Variants in ZNF3 observed in about 807,000 individuals in gnomAD.
ZNF3 encodes the protein zinc finger protein 3.
ZNF3 carries 16 observed loss-of-function variants against 36.9 expected under a neutral mutation model. The observed-to-expected ratio is 0.43, with a 90% CI of 0.29 to 0.66. The LOEUF is 0.66. Ranked by LOEUF, ZNF3 falls within the 30% of genes least tolerant of loss-of-function variation. The probability of loss-of-function intolerance (pLI) is 0.13; values close to 1 mark genes in which losing one functional copy is unlikely to be tolerated. For missense variants in ZNF3, 462 were observed against 543.1 expected (o/e 0.85, Z 1.48); for synonymous variants, 201 against 201.9 (o/e 1.00, Z 0.04).
At chr7:100,072,290 AC>A in intron 5 of ZNF3, 78 bp from the exon 6 acceptor site, 1 of 1,312,088 alleles carries the variant, frequency 7.6e-7, no homozygotes, top group Non-Finnish European at 1.0e-6. Context: ...GATCATTGTA[AC>A]GAATACTTAC....
intron 1 of ZNF3, among the ~76,000 whole-genome samples, chr7:100,079,992 C>T (rs769275345): frequency 1.4e-4 from 22 of 151,782 alleles, no homozygotes; most frequent in Non-Finnish European, 2.6e-4. Flanking sequence ...CATGAGCCAC[C>T]GAGTCCAGCC....
intron 3 of ZNF3, among the ~76,000 whole-genome samples, chr7:100,076,564 T>C (rs1179832001): frequency 6.6e-6 from 1 of 152,168 alleles, no homozygotes; most frequent in Non-Finnish European, 1.5e-5. Context: ...AGTGCTGGGA[T>C]TACAGAAGTG....
chr7:100,076,506 A>G (rs1794135170), intron 3 of ZNF3, among the ~76,000 whole-genome samples: 1 of 151,560 alleles, frequency 6.6e-6, no homozygotes, highest in Non-Finnish European at 1.5e-5. Flanking sequence ...GTTGGCCAAG[A>G]TGGTCTCAAT....
At chr7:100,077,549 C>T (rs536937295) in intron 2 of ZNF3, 116 bp from the exon 3 acceptor site, 2 of 918,092 alleles carry the variant, frequency 2.2e-6, no homozygotes, top group Admixed American at 6.3e-5. Flanking sequence ...AATGTGGCAA[C>T]TGGGACTAGT....
chr7:100,072,340 CAT>C lies in ZNF3; in HGVS notation c.272-130_272-129del, dbSNP rs1312373475. The C allele has an allele frequency of 1.4e-5, 12 of 866,554 alleles. No individual in the cohort carries two copies. The South Asian group carries it at 1.6e-4, about 12-fold the overall frequency. The allele number at this position is 866,554 out of a possible 1,614,324, so 53.7% of individuals were successfully genotyped here. A position where few individuals can be genotyped will look rare whatever the true frequency, so the allele number is the denominator to read the frequency against. ...CATGCCTACAAAGAGGCCTGCCCCA[CAT>C]GTGTGCGGCTAAGGCAAAATGAGAC... On this transcript the variant is annotated intron_variant, in intron 5 of 5. Transcript: ENST00000299667.
At position 100,073,885 on chromosome 7, in the gene ZNF3, G is replaced by A. The variant is rs1793628509; in HGVS notation, c.271+1250C>T. ...AAAGTATCAGATTTGGCCAGGCGCG[G>A]TGGCTCATGCCTGTAATCTCAGCAC... On this transcript the variant is annotated intron_variant, in intron 5 of 5. Transcript: ENST00000299667. Among the ~76,000 whole-genome samples the A allele has an allele frequency of 2.0e-5, 3 of 152,042 alleles. No homozygotes were observed. In the South Asian group the frequency reaches 6.2e-4, roughly 32 times the overall value.
At chr7:100,064,888 G>A (rs202042885) in exon 6 of ZNF3, 57 of 1,613,790 alleles carry the variant, frequency 3.5e-5, no homozygotes, top group African/African-American at 2.8e-4. Flanking sequence ...TACCTTTTGC[G>A]TAGTTAAACA....
chr7:100,069,143 T>A (rs1365347701), downstream of ZNF3, among the ~76,000 whole-genome samples: 4 of 152,010 alleles, frequency 2.6e-5, no homozygotes, highest in Non-Finnish European at 4.4e-5. Flanking sequence ...TTTTTTTTTT[T>A]AATTTTGTTG....
intron 4 of ZNF3, 62 bp downstream of exon 4, chr7:100,075,480 C>T: frequency 6.3e-7 from 1 of 1,595,058 alleles, no homozygotes; most frequent in Non-Finnish European, 8.6e-7. Context: ...GTTTAAAGCT[C>T]TGAATGGGAT....
At position 100,071,131 on chromosome 7, in the gene ZNF3, T is replaced by C. The variant is rs372593713; in HGVS notation, c.*12A>G. ...ACTCAGGGAAAGTGAGGAAAATGGG[T>C]GTGTGGCTCTTTCACGTGGACTCTC... On this transcript the variant is annotated 3_prime_UTR_variant, in exon 6 of 6. Transcript: ENST00000299667. 4.5e-6 allele frequency: 7 copies of C among 1,560,836 alleles called. No individual in the cohort carries two copies. The highest frequency in any genetic ancestry group is 4.5e-5 in the East Asian group (2 of 44,472).
rs1265924329 is a variant in ZNF3 at position 100,073,349 on chromosome 7, T to TTTTTTG, written c.272-1143_272-1138dup. Among the ~76,000 whole-genome samples, 16 of 152,168 alleles carry TTTTTTG rather than the reference T, an allele frequency of 1.1e-4. No homozygotes were observed. In the East Asian group the frequency reaches 3.1e-3, roughly 29 times the overall value. On this transcript the variant is annotated intron_variant, in intron 5 of 5. Transcript: ENST00000299667. ...GAGAAACTAATTTATTAATCTTTCT[T>TTTTTTG]TTTTTGTTTTTGTTTTTGAGACAAG...
chr7:100,064,510 A>G (rs1261542751), exon 6 of ZNF3: 2 of 1,614,014 alleles, frequency 1.2e-6, no homozygotes, highest in African/African-American at 2.7e-5. Flanking sequence ...CAGAATCCAC[A>G]CCGGGGAAAA....
intron 1 of ZNF3, among the ~76,000 whole-genome samples, chr7:100,080,338 T>C (rs1249191783): frequency 6.6e-6 from 1 of 152,080 alleles, no homozygotes; most frequent in Non-Finnish European, 1.5e-5. Flanking sequence ...TCACAGAAAT[T>C]CAATGACTGG....
chr7:100,065,095 A>T, downstream of ZNF3: 1 of 925,138 alleles, frequency 1.1e-6, no homozygotes, highest in Non-Finnish European at 1.6e-6. Flanking sequence ...ATACTTACAG[A>T]TGGAGAAAAC....
intron 3 of ZNF3, among the ~76,000 whole-genome samples, chr7:100,076,816 T>G (rs1423570279): frequency 6.6e-6 from 1 of 152,050 alleles, no homozygotes; most frequent in African/African-American, 2.4e-5. Context: ...CCAGGCGCGG[T>G]GGGTCATGCC....
intron 1 of ZNF3, among the ~76,000 whole-genome samples, 167 bp from the exon 2 acceptor site, chr7:100,079,823 A>C (rs1029650797): frequency 6.6e-6 from 1 of 152,042 alleles, no homozygotes; most frequent in Non-Finnish European, 1.5e-5. Flanking sequence ...TCAGCCTCCC[A>C]AGGAGCTGGG....
At position 100,071,815 on chromosome 7, in the gene ZNF3, A is replaced by G. The variant is rs1024604215; in HGVS notation, c.669T>C (p.Thr223=). ...CATTACATTCATAGGGCTTTTCCCC[A>G]GTGTGGATTCTCTGATGTTGAATAA... ...SDLIQHQRIH[T]GEKPYECNEC... is the part of the protein sequence containing the mutation. Residue 223 remains threonine (T), a synonymous_variant, in exon 6 of 6, where the codon ACT becomes ACC. Coordinates refer to ENST00000299667, the MANE Select transcript of ZNF3 (RefSeq NM_032924.5). The G allele has an allele frequency of 4.3e-6, 7 of 1,613,822 alleles. No homozygotes were observed. The highest frequency in any genetic ancestry group is 5.9e-6 in the Non-Finnish European group (7 of 1,179,772).
In ZNF3 at chr7:100,081,043, TC is replaced by T. The variant is rs1335933145; in HGVS notation, c.-198+591del. ...ACACCGATGTGGATTCAATCCCACT[TC>T]CGGAGAGAGGATCAAACCAGGAATC... is the stretch of plus-strand genomic sequence containing the variant. On this transcript the variant is annotated intron_variant, in intron 1 of 5. Transcript: ENST00000299667. This position sits in a 1 kb window ranked among gnomAD's most constrained non-coding sequence, Gnocchi z 4.3. 6.6e-6 allele frequency among the ~76,000 whole-genome samples: 1 copy of T among 152,136 alleles called. No homozygotes were observed. The highest frequency in any genetic ancestry group is 1.5e-5 in the Non-Finnish European group (1 of 68,018).
chr7:100,076,594 A>G (rs1394594165), intron 3 of ZNF3, among the ~76,000 whole-genome samples: 1 of 152,068 alleles, frequency 6.6e-6, no homozygotes, highest in Non-Finnish European at 1.5e-5. Flanking sequence ...GCTCGGCCGC[A>G]AAGTATACTT....
Sources: gnomAD v4.1 joint callset for allele counts (sites outside exome capture counted in the v4.1 genomes callset) on GRCh38, gnomAD v4.1.1 for gene constraint, Gnocchi (gnomAD v3.1) non-coding constraint, MANE v1.5 for transcripts, NCBI Gene and HGNC (gene_info 2026-07-23, HGNC 2026-07-21) for gene names.